ANXA13: variants seen among roughly 807,000 people sequenced by gnomAD.
ANXA13 encodes annexin XIII.
ANXA13 carries 36 observed loss-of-function variants against 46.6 expected under a neutral mutation model. That is an observed-to-expected ratio of 0.77 (90% confidence interval 0.59 to 1.02). The LOEUF (loss-of-function observed/expected upper bound fraction) is 1.02. ANXA13 is among the 50% of genes least tolerant of loss of function. The pLI is 0.00. For synonymous variants in ANXA13, 163 were observed against 152.9 expected (o/e 1.07, Z -0.49); for missense variants, 417 against 396.5 (o/e 1.05, Z -0.44).
chr8:123,727,104 A>T (rs970758740), intron 1 of ANXA13, among the ~76,000 whole-genome samples: 1 of 152,216 alleles, frequency 6.6e-6, no homozygotes, highest in African/African-American at 2.4e-5. Context: ...GGTTCAGTGT[A>T]TACTGCTCGG....
chr8:123,693,317 A>G lies in ANXA13; in HGVS notation c.541-19T>C. On this transcript the variant is annotated intron_variant, in intron 7 of 10. Transcript: ENST00000419625. ...CCCCTGCCTCAAGGGTCAAATACAAACACTTTGAAAAAGGCTTTTGTGAAA... is the reference window on the plus strand; with the variant it reads ...CCCCTGCCTCAAGGGTCAAATACAAGCACTTTGAAAAAGGCTTTTGTGAAA... 1 of 1,609,160 alleles carries G rather than the reference A, an allele frequency of 6.2e-7. No individual in the cohort carries two copies. The highest frequency in any genetic ancestry group is 1.7e-4 in the Middle Eastern group (1 of 6,046).
chr8:123,725,316 G>A (rs540847630), intron 1 of ANXA13, among the ~76,000 whole-genome samples: 1 of 152,286 alleles, frequency 6.6e-6, no homozygotes, highest in African/African-American at 2.4e-5. Flanking sequence ...GACATTGAAT[G>A]TATCCAATCC....
chr8:123,706,990 C>T (rs886541216), intron 2 of ANXA13, among the ~76,000 whole-genome samples: 4 of 152,252 alleles, frequency 2.6e-5, no homozygotes, highest in African/African-American at 9.6e-5. Context: ...CCTGCACACT[C>T]CTGGACAGAT....
chr8:123,718,315 T>C (rs1813797751), intron 1 of ANXA13, among the ~76,000 whole-genome samples: 1 of 152,232 alleles, frequency 6.6e-6, no homozygotes, highest in African/African-American at 2.4e-5. Context: ...AATGGCACTC[T>C]AAAGATCAAT....
intron 8 of ANXA13, among the ~76,000 whole-genome samples, chr8:123,691,503 T>C (rs1035306979): frequency 6.6e-6 from 1 of 152,224 alleles, no homozygotes; most frequent in Non-Finnish European, 1.5e-5. Flanking sequence ...CTAATGTTCA[T>C]TGAACGCCTA....
At chr8:123,719,960 C>A (rs967080323) in intron 1 of ANXA13, among the ~76,000 whole-genome samples, 1 of 152,120 alleles carries the variant, frequency 6.6e-6, no homozygotes, top group African/African-American at 2.4e-5. Context: ...TGCTGGATTA[C>A]GGTAAGCACT....
chr8:123,688,976 T>C, intron 8 of ANXA13, 30 bp from the exon 9 acceptor site: 1 of 1,610,618 alleles, frequency 6.2e-7, no homozygotes, highest in Non-Finnish European at 8.5e-7. Context: ...CAACTGTTAT[T>C]CCAGGTTTGC....
intron 2 of ANXA13, among the ~76,000 whole-genome samples, chr8:123,703,639 C>T (rs1388194606): frequency 6.6e-6 from 1 of 152,186 alleles, no homozygotes; most frequent in African/African-American, 2.4e-5. Flanking sequence ...CCCACCCATA[C>T]ATTTGTTAAT....
chr8:123,708,273 A>G (rs905052507), intron 2 of ANXA13, among the ~76,000 whole-genome samples: 12 of 152,222 alleles, frequency 7.9e-5, no homozygotes, highest in Admixed American at 7.9e-4. Flanking sequence ...CAGCCTCAGG[A>G]AGTGCCTCCG....
At chr8:123,684,853 A>G in intron 9 of ANXA13, 131 bp from the exon 10 acceptor site, 1 of 656,886 alleles carries the variant, frequency 1.5e-6, no homozygotes, top group East Asian at 2.6e-5. Context: ...AAAAGAGCTG[A>G]CTTGACACCG....
chr8:123,689,743 A>G (rs1250326356), intron 8 of ANXA13, among the ~76,000 whole-genome samples: 1 of 152,186 alleles, frequency 6.6e-6, no homozygotes, highest in Non-Finnish European at 1.5e-5. Flanking sequence ...GCACATAAAG[A>G]GAAAGGAGAA....
At chr8:123,705,628 T>G (rs910777014) in intron 2 of ANXA13, among the ~76,000 whole-genome samples, 4 of 152,218 alleles carry the variant, frequency 2.6e-5, no homozygotes, top group Admixed American at 1.3e-4. Context: ...TACATGGCAG[T>G]GTGTGCTGTT....
rs1813033510 is a variant in ANXA13, at chr8:123,681,333, C to T, written c.858G>A (p.Lys286=). ...AEVDLQGIKA[K]FQEKYQKSLS... is the part of the protein sequence containing the mutation. Reference sequence around the variant, plus strand: ...GAGACTTCTGATACTTCTCTTGGAACTTTGCTTTGATCCCCTGAAGGTCCA... The same window carrying T: ...GAGACTTCTGATACTTCTCTTGGAATTTTGCTTTGATCCCCTGAAGGTCCA... Residue 286 remains lysine, a synonymous_variant, in exon 11 of 11, where the codon AAG becomes AAA. Coordinates refer to ENST00000419625, the MANE Select transcript of ANXA13 (RefSeq NM_004306.4). 1 of 1,613,936 alleles carries T rather than the reference C, an allele frequency of 6.2e-7. No homozygotes were observed. The highest frequency in any genetic ancestry group is 1.3e-5 in the African/African-American group (1 of 74,914).
intron 2 of ANXA13, 75 bp downstream of exon 2, chr8:123,712,603 A>G: frequency 1.6e-6 from 2 of 1,265,368 alleles, no homozygotes; most frequent in Middle Eastern, 1.8e-4. Flanking sequence ...GCTTCCTAAC[A>G]TCATGGGGAA....
intron 1 of ANXA13, among the ~76,000 whole-genome samples, chr8:123,733,970 C>G (rs1360157570): frequency 6.6e-6 from 1 of 152,202 alleles, no homozygotes; most frequent in Non-Finnish European, 1.5e-5. Context: ...AAAATGCAGA[C>G]TATGATTCAA....
chr8:123,704,918 C>T (rs1302417775), intron 2 of ANXA13, among the ~76,000 whole-genome samples: 2 of 152,244 alleles, frequency 1.3e-5, no homozygotes, highest in Non-Finnish European at 2.9e-5. Context: ...GGATCAGCGC[C>T]TCTAGCCCTA....
intron 8 of ANXA13, among the ~76,000 whole-genome samples, chr8:123,691,976 T>C (rs1286587474): frequency 6.6e-6 from 1 of 152,188 alleles, no homozygotes; most frequent in East Asian, 1.9e-4. Context: ...GCTCAGAGGC[T>C]ACGCAGCTCC....
At chr8:123,699,929 G>A (rs1016297515) in intron 3 of ANXA13, among the ~76,000 whole-genome samples, 8 of 152,190 alleles carry the variant, frequency 5.3e-5, no homozygotes, top group African/African-American at 1.9e-4. Context: ...TCAATACTGA[G>A]CATTACTGCC....
At chr8:123,693,036 C>G (rs1244034331) in intron 8 of ANXA13, among the ~76,000 whole-genome samples, 161 bp downstream of exon 8, 1 of 152,176 alleles carries the variant, frequency 6.6e-6, no homozygotes, top group Non-Finnish European at 1.5e-5. Flanking sequence ...CCAGATAATT[C>G]TAGACATTAT....
Sources: allele counts gnomAD v4.1 joint callset (sites outside exome capture counted in the v4.1 genomes callset), GRCh38; gene constraint gnomAD v4.1.1; transcripts MANE v1.5; gene names NCBI Gene and HGNC (gene_info 2026-07-23, HGNC 2026-07-21).